The following GPHN variants were observed in gnomAD, a reference collection of about 807,000 sequenced individuals.
GPHN encodes the protein gephyrin.
A neutral mutation model predicts 95.5 loss-of-function variants in GPHN; 17 were observed. The observed-to-expected ratio is 0.18, with a 90% CI of 0.12 to 0.27. GPHN has a LOEUF of 0.27. Among genes scored for constraint, GPHN ranks in the 10% least tolerant of loss-of-function variants. GPHN has a pLI of 1.00. For synonymous variants in GPHN, 320 were observed against 322.5 expected, an observed-to-expected ratio of 0.99 and a Z score of 0.08; for missense variants, 660 against 978.1, an observed-to-expected ratio of 0.67 and a Z score of 4.34.
At chr14:66,650,155 A>G (rs1418477659) in intron 1 of GPHN, among the ~76,000 whole-genome samples, 3 of 151,944 alleles carry the variant, frequency 2.0e-5, no homozygotes, top group Non-Finnish European at 2.9e-5. Flanking sequence ...TTATGGGTTC[A>G]TTGCAGTAGG....
At chr14:67,099,724 T>C (rs536780137) in intron 12 of GPHN, among the ~76,000 whole-genome samples, 2 of 152,326 alleles carry the variant, frequency 1.3e-5, no homozygotes, top group Admixed American at 6.5e-5. Context: ...CGGTGTTTTA[T>C]ATAAGCCTTT....
chr14:67,661,278 C>CAAAAAAAAA, the GPHN span, among the ~76,000 whole-genome samples: 1 of 56,548 alleles, frequency 1.8e-5, no homozygotes, highest in Non-Finnish European at 2.9e-5. Context: ...AGGGCTAGAG[C>CAAAAAAAAA]AAAAAAAAAA....
intron 12 of GPHN, among the ~76,000 whole-genome samples, chr14:67,094,279 A>T (rs923021722): frequency 2.6e-5 from 4 of 152,304 alleles, no homozygotes; most frequent in South Asian, 2.1e-4. Context: ...AAATGGGTGA[A>T]CAGAACTAAA....
the GPHN span, chr14:67,599,876 C>G: frequency 8.1e-6 from 5 of 616,520 alleles, no homozygotes; most frequent in Admixed American, 6.4e-5. Context: ...AGCGGAATAT[C>G]GTCCCCAGAA....
chr14:66,847,385 A>G (rs2062381469), intron 4 of GPHN, among the ~76,000 whole-genome samples: 1 of 152,148 alleles, frequency 6.6e-6, no homozygotes, highest in Non-Finnish European at 1.5e-5. Context: ...TAAGAGTAAC[A>G]TAATTTTATT....
the GPHN span, among the ~76,000 whole-genome samples, chr14:67,704,224 G>A: frequency 1.3e-5 from 2 of 152,196 alleles, no homozygotes; most frequent in Admixed American, 1.3e-4. Flanking sequence ...AACAGGAAGA[G>A]CTGAGTTCTG....
chr14:67,472,995 T>C, the GPHN span: 1 of 194,132 alleles, frequency 5.2e-6, no homozygotes, highest in Non-Finnish European at 1.1e-5. Context: ...ACCTGAATAT[T>C]GCCTAATGGA....
At chr14:66,660,774 C>T (rs2065596829) in intron 1 of GPHN, among the ~76,000 whole-genome samples, 1 of 152,140 alleles carries the variant, frequency 6.6e-6, no homozygotes, top group Non-Finnish European at 1.5e-5. Context: ...CAACTCAACC[C>T]ACAGAGAATG....
Position 66,519,564 on chromosome 14 carries a change from T to C in GPHN, c.64+10973T>C, listed in dbSNP as rs76810366. On this transcript the variant is annotated intron_variant, in intron 1 of 22. Coordinates refer to ENST00000478722, the MANE Select transcript of GPHN (RefSeq NM_020806.5). The stretch of plus-strand genomic sequence containing the variant: ...AACACACAACATGTTTCTCACATAA[T>C]AGTTGTTTAGAGTTACTGTCTGCAT... Among the ~76,000 whole-genome samples the C allele has an allele frequency of 3.6e-3, 543 of 152,242 alleles. 8 individuals carry two copies. Among genetic ancestry groups the C allele is most frequent in the African/African-American group, 0.012 (517 of 41,578 alleles).
chr14:67,297,146 C>T, the GPHN span, among the ~76,000 whole-genome samples: 1 of 152,120 alleles, frequency 6.6e-6, no homozygotes, highest in Non-Finnish European at 1.5e-5. Context: ...TAGCATCTTC[C>T]CTAATGGTGA....
rs80290799 is a variant in GPHN, at chr14:67,027,739, G to A, written c.1006+4064G>A. ...TTTTAGTATATTTTAATGGAATTCA[G>A]AATTTTTATTGATATATAATATTTG... On this transcript the variant is annotated intron_variant, in intron 10 of 22. Coordinates refer to ENST00000478722, the MANE Select transcript of GPHN (RefSeq NM_020806.5). 3.0e-4 allele frequency among the ~76,000 whole-genome samples: 45 copies of A among 152,118 alleles called. No homozygotes were observed. The East Asian group carries it at 4.3e-3, about 14-fold the overall frequency.
the GPHN span, among the ~76,000 whole-genome samples, chr14:67,560,271 C>T: frequency 2.0e-5 from 3 of 152,182 alleles, no homozygotes; most frequent in Non-Finnish European, 2.9e-5. Context: ...AGGTGATTCA[C>T]CCACCTCGGC....
At chr14:66,817,074 T>G (rs1698451074) in intron 3 of GPHN, among the ~76,000 whole-genome samples, 1 of 152,120 alleles carries the variant, frequency 6.6e-6, no homozygotes. Flanking sequence ...GAAAGTTTTC[T>G]TAAAAAGGGT....
intron 8 of GPHN, among the ~76,000 whole-genome samples, chr14:66,945,395 C>T (rs776593896): frequency 4.6e-5 from 7 of 152,130 alleles, no homozygotes; most frequent in Non-Finnish European, 8.8e-5. Flanking sequence ...GGAACCTCCA[C>T]CTTATCTACC....
At chr14:66,520,171 A>G (rs1489682591) in intron 1 of GPHN, among the ~76,000 whole-genome samples, 1 of 152,168 alleles carries the variant, frequency 6.6e-6, no homozygotes, top group East Asian at 1.9e-4. Context: ...TGTTGTAGAT[A>G]ATAATATTAT....
At chr14:66,626,444 G>A (rs934134249) in intron 1 of GPHN, among the ~76,000 whole-genome samples, 36 of 151,956 alleles carry the variant, frequency 2.4e-4, no homozygotes, top group Admixed American at 7.9e-4. Flanking sequence ...AATTTTCACC[G>A]AAGGATGAAG....
intron 4 of GPHN, among the ~76,000 whole-genome samples, chr14:66,879,525 A>T (rs2063828777): frequency 6.6e-6 from 1 of 152,006 alleles, no homozygotes; most frequent in Non-Finnish European, 1.5e-5. Flanking sequence ...GCTAGGAGAG[A>T]TATGGATTAT....
chr14:67,422,190 G>A, the GPHN span, among the ~76,000 whole-genome samples: 3 of 152,192 alleles, frequency 2.0e-5, no homozygotes, highest in East Asian at 3.9e-4. Context: ...AAGGTATCAG[G>A]CAACTAGGGA....
intron 1 of GPHN, among the ~76,000 whole-genome samples, chr14:66,677,124 G>A (rs1486123272): frequency 6.6e-6 from 1 of 151,972 alleles, no homozygotes; most frequent in African/African-American, 2.4e-5. Context: ...TGTTGTATCA[G>A]TTGTAATGTC....
Sources: allele counts gnomAD v4.1 joint callset (sites outside exome capture counted in the v4.1 genomes callset), GRCh38; gene constraint gnomAD v4.1.1; transcripts MANE v1.5; gene names NCBI Gene and HGNC (gene_info 2026-07-23, HGNC 2026-07-21).